ARHGEF9: variants seen among roughly 807,000 people sequenced by gnomAD.
ARHGEF9 encodes rho guanine nucleotide exchange factor 9.
In ARHGEF9, 2 loss-of-function variants were observed where a neutral mutation model predicts 41.3. The observed-to-expected ratio is 0.05, with a 90% confidence interval of 0.02 to 0.15. The LOEUF (loss-of-function observed/expected upper bound fraction) is 0.15. Among genes scored for constraint, ARHGEF9 ranks in the 10% least tolerant of loss-of-function variants. The pLI is 1.00. For missense variants in ARHGEF9, 225 were observed against 424.7 expected (o/e 0.53, Z 4.13); for synonymous variants, 160 against 154.4 (o/e 1.04, Z -0.27).
At chrX:63,648,411 G>A (rs1460652798) in intron 8 of ARHGEF9, among the ~76,000 whole-genome samples, 2 of 111,208 alleles carry the variant, frequency 1.8e-5, no homozygotes, top group Non-Finnish European at 3.8e-5. Flanking sequence ...GAGAGATTTT[G>A]TCACCAGCAG....
chrX:63,642,343 T>C (rs2047688430), intron 9 of ARHGEF9: 1 of 111,985 alleles, frequency 8.9e-6, no homozygotes, highest in South Asian at 3.7e-4. Flanking sequence ...ATATCCTTAC[T>C]GACATTAACT....
chrX:63,705,485 G>A (rs1158866483), intron 3 of ARHGEF9, among the ~76,000 whole-genome samples: 1 of 109,088 alleles, frequency 9.2e-6, no homozygotes, highest in African/African-American at 3.3e-5. Flanking sequence ...ATGCCAACTT[G>A]CAGCTACTAA....
chrX:63,783,374 G>A (rs1191012290), intron 1 of ARHGEF9, among the ~76,000 whole-genome samples: 2 of 107,710 alleles, frequency 1.9e-5, no homozygotes, highest in Non-Finnish European at 3.8e-5. Context: ...TCCTGGGTTC[G>A]AGTGATTCTC....
chrX:63,678,603 G>A (rs1390315861), intron 4 of ARHGEF9, 31 bp from the exon 5 acceptor site: 6 of 1,060,408 alleles, frequency 5.7e-6, no homozygotes, highest in Non-Finnish European at 7.8e-6. Context: ...GAAAGGAAAA[G>A]TCTACCAAGG....
At chrX:63,713,066 G>A (rs1177206742) in intron 2 of ARHGEF9, 2 of 111,661 alleles carry the variant, frequency 1.8e-5, no homozygotes, top group East Asian at 2.8e-4. Flanking sequence ...GGCTCAAGGA[G>A]TGTCTTAGAA....
At chrX:63,699,542 T>C (rs2052007250) in intron 3 of ARHGEF9, among the ~76,000 whole-genome samples, 1 of 111,655 alleles carries the variant, frequency 9.0e-6, no homozygotes, top group Admixed American at 9.5e-5. Context: ...AGACAATGAA[T>C]AAAGAATTCA....
At chrX:63,754,995 C>T in intron 1 of ARHGEF9, 1 of 939,204 alleles carries the variant, frequency 1.1e-6, no homozygotes, top group Non-Finnish European at 1.3e-6. Flanking sequence ...ACCGGTCAGT[C>T]TCAGTCTCCC....
At chrX:63,760,095 A>G (rs1481137218) in intron 1 of ARHGEF9, among the ~76,000 whole-genome samples, 10 of 103,094 alleles carry the variant, frequency 9.7e-5, no homozygotes, top group African/African-American at 2.6e-4. Flanking sequence ...TCTGTCAGGG[A>G]AAAAAAAAAA....
intron 1 of ARHGEF9, among the ~76,000 whole-genome samples, chrX:63,769,462 A>C (rs1367632461): frequency 8.9e-6 from 1 of 112,233 alleles, no homozygotes; most frequent in Non-Finnish European, 1.9e-5. Context: ...CCATTTTCTA[A>C]GGAAAAACTG....
chrX:63,733,181 A>C (rs782803260), intron 1 of ARHGEF9, among the ~76,000 whole-genome samples: 1 of 112,583 alleles, frequency 8.9e-6, no homozygotes, highest in Non-Finnish European at 1.9e-5. Context: ...TCTAAAAGCA[A>C]GCAAACTCTG....
chrX:63,754,495 C>T, intron 1 of ARHGEF9: 1 of 1,102,772 alleles, frequency 9.1e-7, no homozygotes, highest in East Asian at 3.3e-5. Context: ...TCAGCGCGTT[C>T]CCAGGAAAAA....
chrX:63,749,249 T>TG (rs2055458484), intron 1 of ARHGEF9, among the ~76,000 whole-genome samples: 1 of 111,760 alleles, frequency 8.9e-6, no homozygotes, highest in African/African-American at 3.3e-5. Flanking sequence ...TCTTTTTTTT[T>TG]GGGACGGACT....
At chrX:63,675,073 G>A (rs1205406718) in intron 5 of ARHGEF9, among the ~76,000 whole-genome samples, 1 of 111,412 alleles carries the variant, frequency 9.0e-6, no homozygotes, top group African/African-American at 3.3e-5. Context: ...TGGACCATAA[G>A]GACAAGGTCA....
chrX:63,660,194 T>C (rs1556340089), intron 7 of ARHGEF9, among the ~76,000 whole-genome samples: 1 of 111,780 alleles, frequency 8.9e-6, no homozygotes, highest in African/African-American at 3.3e-5. Context: ...ATATACACCA[T>C]AAAATGCCAC....
At chrX:63,642,339 T>C (rs2147134480) in intron 9 of ARHGEF9, 1 of 111,874 alleles carries the variant, frequency 8.9e-6, no homozygotes, top group Admixed American at 9.5e-5. Context: ...GGTCATATCC[T>C]TACTGACATT....
At chrX:63,721,005 G>A (rs2053606659) in intron 2 of ARHGEF9, among the ~76,000 whole-genome samples, 1 of 111,260 alleles carries the variant, frequency 9.0e-6, no homozygotes, top group African/African-American at 3.3e-5. Context: ...TCTCCCAGTT[G>A]GACACAGGTG....
At chrX:63,757,160 C>T (rs1361779398) in intron 1 of ARHGEF9, among the ~76,000 whole-genome samples, 40 of 111,245 alleles carry the variant, frequency 3.6e-4, no homozygotes, top group African/African-American at 1.3e-3. Context: ...GATTGCAGTC[C>T]CCTTTTCTTC....
chrX:63,705,521 C>T (rs1212387550), intron 3 of ARHGEF9, among the ~76,000 whole-genome samples: 4 of 110,411 alleles, frequency 3.6e-5, no homozygotes, highest in African/African-American at 1.3e-4. Flanking sequence ...AGAGTGAAGG[C>T]TCTCATCTTC....
At chrX:63,667,373 T>C (rs1349918573) in intron 6 of ARHGEF9, among the ~76,000 whole-genome samples, 1 of 111,272 alleles carries the variant, frequency 9.0e-6, no homozygotes, top group East Asian at 2.8e-4. Flanking sequence ...ATACTGTCTT[T>C]AGGCCAAAAA....
Sources: allele counts gnomAD v4.1 joint callset (sites outside exome capture counted in the v4.1 genomes callset), GRCh38; gene constraint gnomAD v4.1.1; transcripts MANE v1.5; gene names NCBI Gene and HGNC (gene_info 2026-07-23, HGNC 2026-07-21).